The following DMD variants were observed in gnomAD, a reference collection of about 807,000 sequenced individuals.
DMD encodes the protein mutant dystrophin.
Under a neutral mutation model 330.1 loss-of-function variants are expected in DMD, and 63 were observed. The observed-to-expected ratio is 0.19, with a 90% CI of 0.16 to 0.24. The LOEUF (loss-of-function observed/expected upper bound fraction) is 0.24, where lower values mean the gene tolerates loss of function less well. Among genes scored for constraint, DMD ranks in the 10% least tolerant of loss-of-function variants. The pLI is 1.00. For synonymous variants in DMD, 1,223 were observed against 959.8 expected (o/e 1.27, Z -5.07); for missense variants, 3,344 against 2,684.1 (o/e 1.25, Z -5.43).
chrX:32,376,497 T>C (rs1037144123), intron 34 of DMD, among the ~76,000 whole-genome samples: 2 of 110,888 alleles, frequency 1.8e-5, no homozygotes, highest in African/African-American at 6.6e-5. Flanking sequence ...ATTTTGGTGG[T>C]ACTGGAAAAC....
chrX:33,061,525 G>T (rs768223164), intron 1 of DMD, among the ~76,000 whole-genome samples: 22 of 111,649 alleles, frequency 2.0e-4, no homozygotes, highest in African/African-American at 7.2e-4. Flanking sequence ...TTGATATTCA[G>T]ATATTCAGTT....
At chrX:33,076,801 G>C (rs2094848739) in intron 1 of DMD, among the ~76,000 whole-genome samples, 1 of 111,806 alleles carries the variant, frequency 8.9e-6, no homozygotes. Context: ...GATTCATCAA[G>C]ACAGGGGAAT....
chrX:32,453,160 A>C (rs745378815), intron 26 of DMD, among the ~76,000 whole-genome samples: 15 of 110,525 alleles, frequency 1.4e-4, no homozygotes, highest in Non-Finnish European at 2.1e-4. Context: ...GATTTCATTT[A>C]TTTTTCCATT....
chrX:33,190,874 TATATAATATATAATA>T (rs2050515541), intron 1 of DMD, among the ~76,000 whole-genome samples: 1 of 16,631 alleles, frequency 6.0e-5, no homozygotes, highest in African/African-American at 1.8e-4. Flanking sequence ...TATATATATA[TATATAATATATAATA>T]TTATATATTA....
intron 9 of DMD, among the ~76,000 whole-genome samples, chrX:32,666,555 G>A (rs533395357): frequency 4.5e-5 from 5 of 110,996 alleles, no homozygotes; most frequent in Non-Finnish European, 3.8e-5. Flanking sequence ...TTTTATGGTC[G>A]CATAGTATTC....
At chrX:33,079,173 G>A (rs760667990) in intron 1 of DMD, among the ~76,000 whole-genome samples, 2 of 111,664 alleles carry the variant, frequency 1.8e-5, no homozygotes, top group Admixed American at 1.9e-4. Context: ...TGGGATTACA[G>A]GAATGATTTT....
At chrX:33,070,673 C>CTCTATA (rs1192910156) in intron 1 of DMD, among the ~76,000 whole-genome samples, 10 of 35,640 alleles carry the variant, frequency 2.8e-4, no homozygotes, top group African/African-American at 6.4e-4. Flanking sequence ...CTCTCTCTCT[C>CTCTATA]TATATATATA....
chrX:31,349,695 T>C (rs780789658), intron 60 of DMD, among the ~76,000 whole-genome samples: 1 of 112,008 alleles, frequency 8.9e-6, no homozygotes, highest in Non-Finnish European at 1.9e-5. Context: ...TGACATGCTA[T>C]ACTTACTTAT....
At chrX:31,248,535 GT>G (rs776406445) in intron 63 of DMD, among the ~76,000 whole-genome samples, 3 of 111,862 alleles carry the variant, frequency 2.7e-5, no homozygotes, top group Admixed American at 1.9e-4. Context: ...AAGCTTTTTA[GT>G]TTTTTTATGT....
chrX:31,396,287 G>A (rs1045596218), intron 60 of DMD, among the ~76,000 whole-genome samples: 1 of 110,160 alleles, frequency 9.1e-6, no homozygotes, highest in East Asian at 2.9e-4. Flanking sequence ...ACAGGCGCCC[G>A]CAACCACGCC....
intron 19 of DMD, among the ~76,000 whole-genome samples, chrX:32,494,951 G>C (rs899016506): frequency 1.7e-4 from 19 of 110,684 alleles, no homozygotes; most frequent in Non-Finnish European, 2.3e-4. Context: ...TTCTAGCCTG[G>C]GCAACAGAGC....
At chrX:32,892,049 T>C (rs1377067263) in intron 2 of DMD, among the ~76,000 whole-genome samples, 1 of 111,883 alleles carries the variant, frequency 8.9e-6, no homozygotes, top group Non-Finnish European at 1.9e-5. Context: ...TTGGAAATCA[T>C]AGAGCACTCA....
intron 48 of DMD, among the ~76,000 whole-genome samples, chrX:31,852,523 C>CA (rs1423253472): frequency 9.0e-6 from 1 of 111,137 alleles, no homozygotes; most frequent in Non-Finnish European, 1.9e-5. Context: ...CCAATCCTAG[C>CA]ATGAATTGAC....
intron 16 of DMD, among the ~76,000 whole-genome samples, chrX:32,550,159 T>C (rs2049390619): frequency 9.0e-6 from 1 of 111,255 alleles, no homozygotes; most frequent in Non-Finnish European, 1.9e-5. Flanking sequence ...CTGAATAGTG[T>C]AGGCACAATG....
intron 44 of DMD, among the ~76,000 whole-genome samples, chrX:32,117,310 G>C (rs2096615158): frequency 9.0e-6 from 1 of 110,985 alleles, no homozygotes; most frequent in South Asian, 3.9e-4. Context: ...CAGCAAGGAG[G>C]TCCCAGTGAT....
intron 64 of DMD, among the ~76,000 whole-genome samples, chrX:31,214,937 C>CT (rs761569710): frequency 0.017 from 647 of 38,041 alleles, 33 homozygotes; most frequent in African/African-American, 0.069. Context: ...TTTCTTTTTT[C>CT]TTTTTTTTTT....
intron 1 of DMD, among the ~76,000 whole-genome samples, chrX:33,288,080 T>A (rs1224960645): frequency 2.7e-5 from 3 of 111,692 alleles, no homozygotes; most frequent in Non-Finnish European, 5.6e-5. Context: ...TTATTCTAGG[T>A]TTAGTTTAAG....
intron 44 of DMD, among the ~76,000 whole-genome samples, chrX:32,033,400 A>C (rs1569534553): frequency 1.8e-5 from 2 of 109,814 alleles, no homozygotes; most frequent in African/African-American, 6.6e-5. Context: ...AACACAGTAA[A>C]ATTTTTTTTA....
intron 29 of DMD, among the ~76,000 whole-genome samples, chrX:32,421,117 A>T (rs189192580): frequency 5.8e-4 from 65 of 112,292 alleles, no homozygotes; most frequent in African/African-American, 2.1e-3. Context: ...CATGAAGATT[A>T]ACAATATTTA....
Sources: allele counts gnomAD v4.1 joint callset (sites outside exome capture counted in the v4.1 genomes callset), GRCh38; gene constraint gnomAD v4.1.1; transcripts MANE v1.5; gene names NCBI Gene and HGNC (gene_info 2026-07-23, HGNC 2026-07-21).